Variants in CCDC178 observed in about 807,000 individuals in gnomAD.
CCDC178 encodes the protein coiled-coil domain containing 178.
CCDC178 carries 126 observed loss-of-function variants against 117.4 expected under a neutral mutation model. The observed-to-expected ratio is 1.07, with a 90% CI of 0.93 to 1.24. The LOEUF (loss-of-function observed/expected upper bound fraction) is 1.24. CCDC178 is among the 50% of genes most tolerant of loss of function. CCDC178 has a pLI of 0.00. For missense variants in CCDC178, 1,030 were observed against 986.9 expected, an observed-to-expected ratio of 1.04 and a Z score of -0.59; for synonymous variants, 283 against 313.4, an observed-to-expected ratio of 0.90 and a Z score of 1.02.
intron 11 of CCDC178, among the ~76,000 whole-genome samples, chr18:33,315,073 C>T (rs377088376): frequency 2.0e-5 from 3 of 152,094 alleles, no homozygotes; most frequent in Admixed American, 6.5e-5. Flanking sequence ...ACTGGGATAG[C>T]AGGTGGTCTC....
intron 3 of CCDC178, among the ~76,000 whole-genome samples, chr18:33,410,904 G>A (rs1029193559): frequency 5.9e-5 from 9 of 152,234 alleles, no homozygotes; most frequent in African/African-American, 2.2e-4. Context: ...CAGAGATCAA[G>A]CCCCTTAATA....
chr18:33,374,493 T>G lies in CCDC178; in HGVS notation c.209-4304A>C, dbSNP rs150603095. Among the ~76,000 whole-genome samples the G allele has an allele frequency of 1.3e-3, 204 of 152,282 alleles. 1 individual carries two copies. The highest frequency in any genetic ancestry group is 4.8e-3 in the African/African-American group (199 of 41,566). ...TTATAAAGGTTTGCAATGCCCAGTA[T>G]CAGAGAGGATATAGAACAACTAGAA... is the stretch of plus-strand genomic sequence containing the variant. On this transcript the variant is annotated intron_variant, in intron 5 of 22. Transcript: ENST00000383096.
chr18:33,220,622 G>A lies in CCDC178; in HGVS notation c.1932+2484C>T, dbSNP rs144516820. ...TTAATTTATATAAATGCAATACTAA[G>A]TACTTCACAGGGTTGCTGTGAGAAT... On this transcript the variant is annotated intron_variant, in intron 18 of 22. Coordinates refer to ENST00000383096, the MANE Select transcript of CCDC178 (RefSeq NM_001105528.4). 5.9e-3 allele frequency among the ~76,000 whole-genome samples: 894 copies of A among 152,136 alleles called. 8 individuals carry two copies. Among genetic ancestry groups the A allele is most frequent in the Middle Eastern group, 0.031 (9 of 294 alleles).
chr18:32,959,988 A>C (rs1438158874), intron 22 of CCDC178, among the ~76,000 whole-genome samples: 2 of 152,154 alleles, frequency 1.3e-5, no homozygotes, highest in African/African-American at 2.4e-5. Flanking sequence ...ATTTTATTTT[A>C]AAATCAAGGG....
intron 2 of CCDC178, among the ~76,000 whole-genome samples, chr18:33,428,516 G>A (rs928280824): frequency 3.3e-5 from 5 of 151,802 alleles, no homozygotes; most frequent in African/African-American, 9.7e-5. Flanking sequence ...GGCAGATCAC[G>A]AGGTCAAGAG....
chr18:33,098,940 G>C (rs1300210090), intron 20 of CCDC178, among the ~76,000 whole-genome samples: 1 of 151,814 alleles, frequency 6.6e-6, no homozygotes, highest in Non-Finnish European at 1.5e-5. Flanking sequence ...TATCAAGTGG[G>C]GGAACAGCAT....
intron 2 of CCDC178, among the ~76,000 whole-genome samples, chr18:33,429,427 G>C (rs947314643): frequency 1.4e-4 from 22 of 152,004 alleles, no homozygotes; most frequent in Non-Finnish European, 4.4e-5. Context: ...TCGGTAACCA[G>C]TAACAAGATG....
intron 17 of CCDC178, 61 bp downstream of exon 17, chr18:33,224,714 T>A (rs562260372): frequency 1.9e-6 from 2 of 1,070,490 alleles, no homozygotes; most frequent in African/African-American, 1.6e-5. Flanking sequence ...TAAAATCACA[T>A]GCGTAACTTA....
chr18:32,977,174 T>A (rs565370799), intron 21 of CCDC178, among the ~76,000 whole-genome samples: 1 of 152,142 alleles, frequency 6.6e-6, no homozygotes. Context: ...GAGAAATCTA[T>A]ATTTTAAAGA....
intron 21 of CCDC178, among the ~76,000 whole-genome samples, chr18:33,006,429 A>T (rs2055751252): frequency 6.6e-6 from 1 of 152,064 alleles, no homozygotes; most frequent in Middle Eastern, 3.2e-3. Flanking sequence ...TACTATTTGC[A>T]TAGTGTTTAA....
chr18:32,988,874 GAAATA>G (rs1394685355), intron 21 of CCDC178, among the ~76,000 whole-genome samples: 1 of 151,972 alleles, frequency 6.6e-6, no homozygotes, highest in Non-Finnish European at 1.5e-5. Flanking sequence ...AAAATGAAAT[GAAATA>G]GACAAAGTCC....
chr18:32,978,796 G>A (rs542207065), intron 21 of CCDC178, among the ~76,000 whole-genome samples: 1 of 152,268 alleles, frequency 6.6e-6, no homozygotes, highest in Non-Finnish European at 1.5e-5. Context: ...CAGCACTTAG[G>A]GAGGTCCAGG....
chr18:32,951,510 T>C (rs1448666865), intron 22 of CCDC178, among the ~76,000 whole-genome samples: 1 of 152,144 alleles, frequency 6.6e-6, no homozygotes, highest in East Asian at 1.9e-4. Flanking sequence ...CTCACTATCA[T>C]GAGAACAGCA....
intron 2 of CCDC178, among the ~76,000 whole-genome samples, chr18:33,420,274 C>A (rs2064005972): frequency 6.6e-6 from 1 of 151,992 alleles, no homozygotes; most frequent in South Asian, 2.1e-4. Flanking sequence ...GACACTGGAC[C>A]CTACTTGAGG....
At chr18:33,376,484 T>C (rs765677982) in intron 5 of CCDC178, among the ~76,000 whole-genome samples, 4 of 152,308 alleles carry the variant, frequency 2.6e-5, no homozygotes, top group Non-Finnish European at 4.4e-5. Flanking sequence ...GGAATGCATA[T>C]GCAGGTTTGT....
intron 21 of CCDC178, among the ~76,000 whole-genome samples, chr18:33,008,808 A>T (rs559119372): frequency 1.3e-5 from 2 of 152,032 alleles, no homozygotes; most frequent in South Asian, 4.1e-4. Context: ...GATTGCCAAC[A>T]TTATCTATAT....
intron 22 of CCDC178, among the ~76,000 whole-genome samples, chr18:32,969,947 T>A (rs903261917): frequency 6.6e-6 from 1 of 152,032 alleles, no homozygotes; most frequent in African/African-American, 2.4e-5. Context: ...GAAATGATAA[T>A]AGTACTTCGT....
rs77391257 is a variant in CCDC178, at chr18:33,199,977, T to C, written c.2238+11919A>G. Among the ~76,000 whole-genome samples the C allele has an allele frequency of 9.6e-4, 146 of 152,276 alleles. 1 individual carries two copies. In the East Asian group the frequency reaches 0.018, roughly 19 times the overall value. ...GTCAAAGTCAGAAACCTGATATATA[T>C]ATATTTGGACAATTCCTCTCACCAT... On this transcript the variant is annotated intron_variant, in intron 20 of 22. Coordinates refer to ENST00000383096, the MANE Select transcript of CCDC178 (RefSeq NM_001105528.4).
chr18:33,225,240 A>G (rs182104), intron 16 of CCDC178, among the ~76,000 whole-genome samples: 24,374 of 151,758 alleles, frequency 0.16, 2,725 homozygotes, highest in African/African-American at 0.32. Flanking sequence ...TCTGTTCACT[A>G]CAACCTCCAC....
Sources: gnomAD v4.1 joint callset for allele counts (sites outside exome capture counted in the v4.1 genomes callset) on GRCh38, gnomAD v4.1.1 for gene constraint, MANE v1.5 for transcripts, NCBI Gene and HGNC (gene_info 2026-07-23, HGNC 2026-07-21) for gene names.